Variants in HELZ2 observed in about 807,000 individuals in gnomAD.
The protein encoded by HELZ2 is helicase with zinc finger 2.
In HELZ2, 143 loss-of-function variants were observed where a neutral mutation model predicts 208.8. That is an observed-to-expected ratio of 0.68 (90% CI 0.60 to 0.79). HELZ2 has a LOEUF of 0.79. HELZ2 is among the 30% of genes least tolerant of loss of function. The pLI, the probability that HELZ2 is intolerant of heterozygous loss-of-function variation, is 0.00. For missense variants in HELZ2, 3,690 were observed against 3,794.5 expected (o/e 0.97, Z 0.72); for synonymous variants, 1,705 against 1,693.7 (o/e 1.01, Z -0.16).
At chr20:63,558,372 T>TGGGGTGGGGTGGGGTGGGGC (rs1555887984), downstream of HELZ2, 3 of 9,338 alleles carry the variant, frequency 3.2e-4, no homozygotes, top group African/African-American at 1.3e-3. Context: ...TTTCAGAGGG[T>TGGGGTGGGGTGGGGTGGGGC]GGGGTGGGGT....
At chr20:63,565,482 G>T in exon 8 of HELZ2, 1 of 1,607,370 alleles carries the variant, frequency 6.2e-7, no homozygotes, top group Middle Eastern at 1.7e-4. Flanking sequence ...GCAGCCGGGG[G>T]CAGGTTCTCG....
At chr20:63,570,248 C>A (rs2083004017) in intron 3 of HELZ2, 1 of 621,814 alleles carries the variant, frequency 1.6e-6, no homozygotes, top group Admixed American at 2.1e-5. Flanking sequence ...GCGTGAACCA[C>A]CGCACCTGGC....
Position 63,561,579 on chromosome 20 carries a change from G to T in HELZ2, c.6836+22C>A, listed in dbSNP as rs781325330. On this transcript the variant is annotated intron_variant, in intron 12 of 18. Transcript: ENST00000467148. The stretch of plus-strand genomic sequence containing the variant: ...GACAGCTCGGCCCCACTCCGCCCAA[G>T]CCCCAAAGACAGCAGGCACACCTGA... 1.9e-6 allele frequency: 3 copies of T among 1,590,252 alleles called. No homozygotes were observed. The South Asian group carries it at 3.4e-5, about 18-fold the overall frequency.
exon 12 of HELZ2, chr20:63,561,607 C>A (rs1317818972): frequency 6.2e-7 from 1 of 1,604,168 alleles, no homozygotes; most frequent in Non-Finnish European, 8.5e-7. Flanking sequence ...ACACCTGAGG[C>A]TCTGGTTCGG....
chr20:63,559,409 A>G (rs766213596), intron 18 of HELZ2, 39 bp from the exon 20 acceptor site: 47 of 1,507,424 alleles, frequency 3.1e-5, no homozygotes, highest in Non-Finnish European at 4.0e-5. Context: ...AGTCAGGGTC[A>G]GGTGGGAGGA....
exon 8 of HELZ2, chr20:63,565,534 G>A: frequency 6.2e-7 from 1 of 1,606,310 alleles, no homozygotes; most frequent in South Asian, 1.1e-5. Context: ...TGGCGACAGT[G>A]TCCAGCAGCC....
chr20:63,559,451 G>T lies in HELZ2; in HGVS notation c.7826-81C>A. 3.4e-6 allele frequency: 4 copies of T among 1,171,600 alleles called. 1 individual carries two copies. The highest frequency in any genetic ancestry group is 7.3e-5 in the East Asian group (2 of 27,346). The allele number at this position is 1,171,600 out of a possible 1,614,324, so 72.6% of individuals were successfully genotyped here. ...GTCAGGTGGGAGGAGTCAGGGTCAG[G>T]TGGGAGTCAGTCAGGGTCAGGTGGG... On this transcript the variant is annotated intron_variant, in intron 18 of 18. Transcript: ENST00000467148.
intron 2 of HELZ2, 35 bp downstream of exon 3, chr20:63,570,650 C>A: frequency 6.6e-7 from 1 of 1,509,696 alleles, no homozygotes; most frequent in South Asian, 1.2e-5. Flanking sequence ...GGCCTGGACC[C>A]CACCCCACCC....
At chr20:63,560,295 C>T (rs1397208875) in exon 17 of HELZ2, 5 of 1,559,446 alleles carry the variant, frequency 3.2e-6, no homozygotes, top group South Asian at 2.4e-5. Context: ...GCTCTACGGT[C>T]CTCCCCAGGG....
chr20:63,561,905 G>C (rs769803495), exon 11 of HELZ2: 34 of 1,584,168 alleles, frequency 2.1e-5, no homozygotes, highest in Non-Finnish European at 1.5e-5. Context: ...CACGGGGGGG[G>C]CCTCCGGGCT....
chr20:63,563,186 C>A, exon 8 of HELZ2: 3 of 1,590,486 alleles, frequency 1.9e-6, no homozygotes, highest in Non-Finnish European at 2.6e-6. Flanking sequence ...GGTGTCCCCA[C>A]TGCCCAGCTC....
rs190856417 is a variant in HELZ2, at chr20:63,570,187, C to T, written c.570+317G>A. ...ATTGGCCAGGCTGATCTCGAACTCC[C>T]GACCTCAGGTGATCCACCTGCCTCG... is the stretch of plus-strand genomic sequence containing the variant. On this transcript the variant is annotated intron_variant, in intron 3 of 18. Transcript: ENST00000467148. 7.4e-4 allele frequency: 385 copies of T among 523,024 alleles called. 2 individuals are homozygous for T. The highest frequency in any genetic ancestry group is 7.1e-3 in the African/African-American group (366 of 51,652). 32.4% of individuals were successfully genotyped at this position (523,024 alleles called of 1,614,324 possible).
chr20:63,561,326 C>T (rs1221773564), intron 13 of HELZ2, 24 bp downstream of exon 14: 22 of 1,612,702 alleles, frequency 1.4e-5, no homozygotes, highest in Non-Finnish European at 1.9e-5. Flanking sequence ...CAGGCAGCTC[C>T]ACCCCCTGGC....
At chr20:63,570,589 A>G in exon 3 of HELZ2, 1 of 1,611,978 alleles carries the variant, frequency 6.2e-7, no homozygotes, top group Non-Finnish European at 8.5e-7. Flanking sequence ...GGTGACACGC[A>G]CTCCATCAAG....
chr20:63,565,733 A>C (rs1398956516), exon 8 of HELZ2: 1 of 1,604,548 alleles, frequency 6.2e-7, no homozygotes, highest in South Asian at 1.1e-5. Context: ...GTCTTCCTTC[A>C]CTGCGTCTCC....
downstream of HELZ2, chr20:63,559,119 C>T (rs541159194): frequency 1.4e-4 from 155 of 1,074,364 alleles, no homozygotes; most frequent in African/African-American, 2.1e-3. Context: ...ACTTCCTGCC[C>T]CAGGGAGATC....
exon 7 of HELZ2, chr20:63,566,422 C>CGCCTCCTCAGCTCCT: frequency 1.3e-6 from 2 of 1,548,332 alleles, no homozygotes; most frequent in East Asian, 2.4e-5. Flanking sequence ...GCCTAGGTCC[C>CGCCTCCTCAGCTCCT]GCCTCCTCAG....
chr20:63,560,584 G>A (rs11551685), exon 16 of HELZ2: 198,662 of 1,609,258 alleles, frequency 0.12, 15,478 homozygotes, highest in Admixed American at 0.3. Flanking sequence ...AGATGACAGG[G>A]CAGCTCTCCT....
At position 63,559,978 on chromosome 20, in the gene HELZ2, T is replaced by C. The variant is rs780505784; in HGVS notation, c.7775A>G (p.Asn2592Ser). Residue 2592 changes from asparagine (N) to serine (S), a missense_variant, in exon 18 of 19, where the codon AAC (asparagine) becomes AGC (serine). This residue lies in a region of HELZ2 where 2,564 missense variants were observed against 2,580.5 expected (regional missense o/e 0.99). Transcript: ENST00000467148. ...CCGCGTGACAGCCACATTCACTTGG[T>C]TGGGGTCCACAACGAAGCCCAGAAA... 8 of 1,612,054 alleles carry C rather than the reference T, an allele frequency of 5.0e-6. No homozygotes were observed. The East Asian group carries it at 1.1e-4, about 22-fold the overall frequency.
Sources: allele counts gnomAD v4.1 joint callset, GRCh38; gene constraint gnomAD v4.1.1; regional missense constraint gnomAD v4.1.1; transcripts MANE v1.5; gene names NCBI Gene and HGNC (gene_info 2026-07-23, HGNC 2026-07-21).